The following EYS variants were observed in gnomAD, a reference collection of about 807,000 sequenced individuals.
The protein encoded by EYS is EGF-like photoreceptor maintenance factor.
EYS carries 250 observed loss-of-function variants against 282.1 expected under a neutral mutation model. The ratio of observed to expected loss-of-function variants is 0.89; its 90% CI spans 0.80 to 0.98. EYS has a LOEUF of 0.98. Among genes scored for constraint, EYS ranks in the 50% least tolerant of loss-of-function variants. The probability of loss-of-function intolerance (pLI) is 0.00; values close to 1 mark genes in which losing one functional copy is unlikely to be tolerated. For synonymous variants in EYS, 1,355 were observed against 1,282.9 expected (o/e 1.06, Z -1.20); for missense variants, 4,016 against 3,709.0 (o/e 1.08, Z -2.15).
At chr6:65,000,514 G>T (rs895286886) in intron 13 of EYS, among the ~76,000 whole-genome samples, 3 of 152,174 alleles carry the variant, frequency 2.0e-5, no homozygotes, top group Non-Finnish European at 2.9e-5. Flanking sequence ...GCTCACACTT[G>T]TAATCCCAGC....
intron 26 of EYS, among the ~76,000 whole-genome samples, chr6:64,568,918 A>G (rs1468422165): frequency 6.6e-6 from 1 of 152,050 alleles, no homozygotes; most frequent in Non-Finnish European, 1.5e-5. Context: ...ACTAACAAAC[A>G]GAAAGGAATA....
chr6:64,036,874 G>A (rs559677370), intron 33 of EYS, among the ~76,000 whole-genome samples: 1 of 152,266 alleles, frequency 6.6e-6, no homozygotes, highest in Admixed American at 6.5e-5. Flanking sequence ...GAGGATAGTG[G>A]CAATGCTAGG....
At chr6:64,511,446 G>A (rs1295200637) in intron 26 of EYS, among the ~76,000 whole-genome samples, 4 of 151,888 alleles carry the variant, frequency 2.6e-5, no homozygotes, top group Non-Finnish European at 5.9e-5. Flanking sequence ...CAATCAAAAA[G>A]ATCTGGGAAA....
intron 12 of EYS, among the ~76,000 whole-genome samples, chr6:65,128,267 C>A (rs1344334792): frequency 6.6e-6 from 1 of 151,750 alleles, no homozygotes; most frequent in Non-Finnish European, 1.5e-5. Context: ...GATTGAGAAG[C>A]AAAACCAAGG....
chr6:64,273,150 T>C (rs1231698304), intron 30 of EYS, among the ~76,000 whole-genome samples: 1 of 152,204 alleles, frequency 6.6e-6, no homozygotes, highest in Non-Finnish European at 1.5e-5. Context: ...TCTCAGTTGC[T>C]TACTATGTGT....
intron 19 of EYS, among the ~76,000 whole-genome samples, chr6:64,879,615 A>T (rs1212616591): frequency 6.6e-6 from 1 of 152,128 alleles, no homozygotes; most frequent in Admixed American, 6.6e-5. Flanking sequence ...ATGAAAGCTA[A>T]ATATTAACAA....
intron 22 of EYS, among the ~76,000 whole-genome samples, chr6:64,756,335 G>T (rs1704243198): frequency 6.6e-6 from 1 of 152,104 alleles, no homozygotes; most frequent in Admixed American, 6.6e-5. Context: ...TAAGTTTGTA[G>T]GCATCTACTC....
chr6:65,583,176 C>T (rs916357580), intron 2 of EYS, among the ~76,000 whole-genome samples: 2 of 151,876 alleles, frequency 1.3e-5, no homozygotes, highest in Non-Finnish European at 2.9e-5. Flanking sequence ...CTTTTTAATT[C>T]CCTTCTGCTC....
chr6:64,660,104 T>C (rs1156499620), intron 22 of EYS, among the ~76,000 whole-genome samples: 1 of 152,046 alleles, frequency 6.6e-6, no homozygotes, highest in Non-Finnish European at 1.5e-5. Flanking sequence ...ATAAACATAA[T>C]CCAGCATATA....
chr6:64,441,364 G>A (rs866795074), intron 26 of EYS, among the ~76,000 whole-genome samples: 2 of 152,148 alleles, frequency 1.3e-5, no homozygotes, highest in South Asian at 4.1e-4. Flanking sequence ...GTTGTGCCCA[G>A]ATCAGCTGTA....
chr6:64,096,395 A>G (rs1173596450), intron 31 of EYS, among the ~76,000 whole-genome samples: 1 of 152,194 alleles, frequency 6.6e-6, no homozygotes, highest in South Asian at 2.1e-4. Context: ...CACCAATCAG[A>G]CGTAGATTTG....
chr6:64,683,655 A>G (rs1372778525), intron 22 of EYS, among the ~76,000 whole-genome samples: 2 of 152,222 alleles, frequency 1.3e-5, no homozygotes, highest in Non-Finnish European at 2.9e-5. Context: ...AATGGCTGAC[A>G]TTTTCCCAAA....
chr6:64,708,842 T>C (rs1771115864), intron 22 of EYS, among the ~76,000 whole-genome samples: 2 of 152,218 alleles, frequency 1.3e-5, no homozygotes, highest in South Asian at 4.1e-4. Flanking sequence ...AAGTCCATTG[T>C]TTCTGACTCA....
At chr6:64,551,205 T>C (rs9451972) in intron 26 of EYS, among the ~76,000 whole-genome samples, 7,940 of 145,634 alleles carry the variant, frequency 0.055, 476 homozygotes, top group African/African-American at 0.15. Context: ...TATACACACA[T>C]ATATATATAT....
At chr6:64,413,275 A>G (rs1773961236) in intron 28 of EYS, among the ~76,000 whole-genome samples, 1 of 152,084 alleles carries the variant, frequency 6.6e-6, no homozygotes, top group Admixed American at 6.6e-5. Context: ...GGCTATGGTC[A>G]TACTTCCTCC....
intron 40 of EYS, among the ~76,000 whole-genome samples, chr6:63,767,768 A>G (rs948129759): frequency 5.9e-5 from 9 of 152,216 alleles, no homozygotes; most frequent in Non-Finnish European, 8.8e-5. Context: ...AATAGCTGAA[A>G]TGATCCTAAG....
At chr6:64,662,095 A>T (rs1406099827) in intron 22 of EYS, among the ~76,000 whole-genome samples, 1 of 151,928 alleles carries the variant, frequency 6.6e-6, no homozygotes, top group African/African-American at 2.4e-5. Context: ...GACATGGATG[A>T]AGCTGGAAAC....
intron 22 of EYS, among the ~76,000 whole-genome samples, chr6:64,701,254 A>G (rs1389714864): frequency 6.6e-6 from 1 of 152,164 alleles, no homozygotes; most frequent in Admixed American, 6.5e-5. Flanking sequence ...GTAAGACTTG[A>G]AGCCATAAAA....
intron 29 of EYS, among the ~76,000 whole-genome samples, chr6:64,347,576 T>A (rs1486356885): frequency 8.0e-6 from 1 of 124,962 alleles, no homozygotes; most frequent in South Asian, 2.8e-4. Flanking sequence ...CTTATGCATA[T>A]GTTTGAAGAT....
Sources: gnomAD v4.1 joint callset for allele counts (sites outside exome capture counted in the v4.1 genomes callset) on GRCh38, gnomAD v4.1.1 for gene constraint, MANE v1.5 for transcripts, NCBI Gene and HGNC (gene_info 2026-07-23, HGNC 2026-07-21) for gene names.